ENTREP2: variants seen among roughly 807,000 people sequenced by gnomAD.
The protein encoded by ENTREP2 is endosomal transmembrane epsin interactor 2.
the ENTREP2 span, among the ~76,000 whole-genome samples, chr15:29,426,472 A>T: frequency 8.7e-5 from 13 of 150,054 alleles, no homozygotes; most frequent in African/African-American, 2.9e-4. Context: ...AAACAAAAAC[A>T]TCTCCTATAT....
chr15:29,591,807 G>A, the ENTREP2 span, among the ~76,000 whole-genome samples: 2 of 146,560 alleles, frequency 1.4e-5, no homozygotes, highest in Non-Finnish European at 3.0e-5. Flanking sequence ...CAGCCTAGGT[G>A]ACAGAGTGAG....
the ENTREP2 span, among the ~76,000 whole-genome samples, chr15:29,637,204 AGCCCC>A: frequency 6.6e-6 from 1 of 152,230 alleles, no homozygotes; most frequent in Non-Finnish European, 1.5e-5. Context: ...TGAGAAAGCC[AGCCCC>A]TGATTAAATG....
the ENTREP2 span, among the ~76,000 whole-genome samples, chr15:29,343,694 ACAGT>A: frequency 6.6e-6 from 1 of 152,120 alleles, no homozygotes; most frequent in Non-Finnish European, 1.5e-5. Flanking sequence ...AAAAATGAGT[ACAGT>A]AACTGTGTGT....
chr15:29,218,288 C>T, the ENTREP2 span, among the ~76,000 whole-genome samples: 6 of 152,112 alleles, frequency 3.9e-5, no homozygotes, highest in East Asian at 1.9e-4. Flanking sequence ...GAGGAACCTA[C>T]GGTGGGCAGG....
chr15:29,482,993 A>T, the ENTREP2 span, among the ~76,000 whole-genome samples: 3 of 152,254 alleles, frequency 2.0e-5, no homozygotes, highest in African/African-American at 4.8e-5. Context: ...CCACCTCCAC[A>T]TCAGCATTTG....
chr15:29,214,593 C>T, the ENTREP2 span, among the ~76,000 whole-genome samples: 1,021 of 151,026 alleles, frequency 6.8e-3, 15 homozygotes, highest in African/African-American at 0.024. Context: ...ATGTAAATGA[C>T]GAGTTAATGG....
chr15:29,415,418 A>G, the ENTREP2 span, among the ~76,000 whole-genome samples: 1 of 152,218 alleles, frequency 6.6e-6, no homozygotes, highest in African/African-American at 2.4e-5. Flanking sequence ...ATCTCAATAG[A>G]TGCAGAAAAG....
the ENTREP2 span, among the ~76,000 whole-genome samples, chr15:29,484,826 G>A: frequency 6.6e-6 from 1 of 151,924 alleles, no homozygotes; most frequent in African/African-American, 2.4e-5. Context: ...ACTATGATAT[G>A]GAAAAAAGCC....
the ENTREP2 span, among the ~76,000 whole-genome samples, chr15:29,249,414 C>T: frequency 6.6e-6 from 1 of 152,152 alleles, no homozygotes; most frequent in Non-Finnish European, 1.5e-5. Flanking sequence ...TATATGTATA[C>T]ATACATGCAT....
chr15:29,619,913 T>C, the ENTREP2 span, among the ~76,000 whole-genome samples: 1 of 152,034 alleles, frequency 6.6e-6, no homozygotes, highest in African/African-American at 2.4e-5. Flanking sequence ...GACTCACAGT[T>C]TGCTCCCTGA....
chr15:29,584,997 G>GGATAGATAGATAGATA, the ENTREP2 span, among the ~76,000 whole-genome samples: 136 of 150,708 alleles, frequency 9.0e-4, no homozygotes, highest in African/African-American at 3.1e-3. Context: ...AAAGATCGAT[G>GGATAGATAGATAGATA]GATAGATAGA....
the ENTREP2 span, among the ~76,000 whole-genome samples, chr15:29,584,997 G>GGATAGATAGATA: frequency 0.011 from 1,641 of 150,698 alleles, 27 homozygotes; most frequent in African/African-American, 0.035. Context: ...AAAGATCGAT[G>GGATAGATAGATA]GATAGATAGA....
the ENTREP2 span, among the ~76,000 whole-genome samples, chr15:29,553,531 T>C: frequency 6.6e-6 from 1 of 152,120 alleles, no homozygotes; most frequent in African/African-American, 2.4e-5. Flanking sequence ...CATCAAGAGG[T>C]AGGGCCTATG....
chr15:29,621,519 T>C, the ENTREP2 span, among the ~76,000 whole-genome samples: 1 of 63,682 alleles, frequency 1.6e-5, no homozygotes, highest in Admixed American at 2.5e-4. Context: ...TGAGACTCTG[T>C]CTCAAAAAAA....
the ENTREP2 span, among the ~76,000 whole-genome samples, chr15:29,153,775 T>G: frequency 2.6e-5 from 4 of 152,174 alleles, no homozygotes; most frequent in African/African-American, 4.8e-5. Flanking sequence ...TTTCTGAAAG[T>G]TTTTATAGTT....
At chr15:29,610,381 CT>C in the ENTREP2 span, 2 of 150,550 alleles carry the variant, frequency 1.3e-5, no homozygotes, top group African/African-American at 4.9e-5. Flanking sequence ...CCAAGGTTTT[CT>C]GTAAACAGAT....
At chr15:29,276,922 A>G in the ENTREP2 span, among the ~76,000 whole-genome samples, 843 of 152,328 alleles carry the variant, frequency 5.5e-3, 32 homozygotes, top group Admixed American at 0.043. Context: ...GTGAATTGAA[A>G]ACAATATGAC....
the ENTREP2 span, among the ~76,000 whole-genome samples, chr15:29,218,331 TCTTC>T: frequency 6.6e-6 from 1 of 152,138 alleles, no homozygotes; most frequent in African/African-American, 2.4e-5. Context: ...ATGCCCTTTG[TCTTC>T]ATACCCCACG....
the ENTREP2 span, among the ~76,000 whole-genome samples, chr15:29,351,465 T>A: frequency 6.6e-6 from 1 of 152,124 alleles, no homozygotes; most frequent in Non-Finnish European, 1.5e-5. Context: ...AGGAGTGATA[T>A]GCTAATTAGG....
Sources: gnomAD v4.1 joint callset for allele counts (sites outside exome capture counted in the v4.1 genomes callset) on GRCh38, gnomAD v4.1.1 for gene constraint, MANE v1.5 for transcripts, NCBI Gene and HGNC (gene_info 2026-07-23, HGNC 2026-07-21) for gene names.